The following MAU2 variants were observed in gnomAD, a reference collection of about 807,000 sequenced individuals.
MAU2 encodes the protein MAU2 chromatid cohesion factor homolog.
In MAU2, 9 loss-of-function variants were observed where a neutral mutation model predicts 89.1. The ratio of observed to expected loss-of-function variants is 0.10; its 90% confidence interval spans 0.06 to 0.18. MAU2 has a LOEUF of 0.18. Among genes scored for constraint, MAU2 ranks in the 10% least tolerant of loss-of-function variants. The probability of loss-of-function intolerance (pLI) is 1.00; values close to 1 mark genes in which losing one functional copy is unlikely to be tolerated. For synonymous variants in MAU2, 357 were observed against 343.4 expected (o/e 1.04, Z -0.44); for missense variants, 425 against 803.5 (o/e 0.53, Z 5.69).
chr19:19,321,137 T>C lies in MAU2; in HGVS notation c.276+2T>C. 6.3e-7 allele frequency: 1 copy of C among 1,586,150 alleles called. No homozygotes were observed. Among genetic ancestry groups the C allele is most frequent in the Non-Finnish European group, 8.6e-7 (1 of 1,166,316 alleles). On this transcript the variant is annotated splice_donor_variant, in intron 1 of 18. Transcript: ENST00000262815. LOFTEE classifies it high-confidence loss of function. ...GCGCGCAGCCACCTGGAGAAGGCGGTGAGCGCGGGCCGGGCCGCGAGGGAG... is the reference window on the plus strand; with the variant it reads ...GCGCGCAGCCACCTGGAGAAGGCGGCGAGCGCGGGCCGGGCCGCGAGGGAG...
intron 15 of MAU2, 25 bp from the exon 16 acceptor site, chr19:19,349,300 T>C (rs1477609908): frequency 6.2e-7 from 1 of 1,614,020 alleles, no homozygotes; most frequent in South Asian, 1.1e-5. Flanking sequence ...CCTGCAGTTA[T>C]CAGCGTCCAT....
In MAU2 at chr19:19,358,294, G is replaced by A. The variant is rs1051706407; in HGVS notation, c.*2512G>A. On this transcript the variant is annotated 3_prime_UTR_variant, in exon 19 of 19. Transcript: ENST00000262815. ...CTGCCCTTGTCCTGTGGGTTGAGGG[G>A]GTCTGACCAGGAGGCCACCTACAGC... 17 of 152,246 alleles carry A rather than the reference G, an allele frequency of 1.1e-4. No individual in the cohort carries two copies. Among genetic ancestry groups the A allele is most frequent in the African/African-American group, 4.1e-4 (17 of 41,440 alleles). The allele number at this position is 152,246 out of a possible 1,614,324, so 9.4% of individuals were successfully genotyped here.
intron 17 of MAU2, chr19:19,355,056 G>A (rs1237626055): frequency 5.2e-6 from 3 of 581,076 alleles, no homozygotes; most frequent in South Asian, 2.5e-5. Flanking sequence ...GGCTTTCACT[G>A]CCCAGCCAGC....
chr19:19,329,184 G>A lies in MAU2; in HGVS notation c.277-6534G>A, dbSNP rs1420928279. 7 of 452,764 alleles carry A rather than the reference G, an allele frequency of 1.5e-5. No homozygotes were observed. In the East Asian group the frequency reaches 4.9e-4, roughly 31 times the overall value. The allele number at this position is 452,764 out of a possible 1,614,324, so 28.0% of individuals were successfully genotyped here. A position where few individuals can be genotyped will look rare whatever the true frequency, so the allele number is the denominator to read the frequency against. On this transcript the variant is annotated intron_variant, in intron 1 of 18. Transcript: ENST00000262815. Reference sequence around the variant, plus strand: ...CGTAAGCAGTTCTTTCATTCTTCAGGATCACAACTGTGTCCTGCTAAATTC... The same window carrying A: ...CGTAAGCAGTTCTTTCATTCTTCAGAATCACAACTGTGTCCTGCTAAATTC...
chr19:19,321,272 C>T, intron 1 of MAU2, 137 bp downstream of exon 1: 1 of 1,059,802 alleles, frequency 9.4e-7, no homozygotes, highest in Non-Finnish European at 1.3e-6. Context: ...CGCAGGACCC[C>T]CACCCGCCTC....
intron 1 of MAU2, among the ~76,000 whole-genome samples, chr19:19,330,011 A>G (rs917362740): frequency 4.0e-5 from 6 of 151,086 alleles, no homozygotes; most frequent in African/African-American, 9.7e-5. Context: ...ATAAAGTCTC[A>G]CTCTGTCACC....
rs1208135822 is a variant in MAU2 at position 19,356,417 on chromosome 19, C to T, written c.*635C>T. The stretch of plus-strand genomic sequence containing the variant: ...TCCAAACATCTGCACCTTGACCGGA[C>T]TCGCCATCCCGCCGTGGGGGTGCAG... On this transcript the variant is annotated 3_prime_UTR_variant, in exon 19 of 19. Transcript: ENST00000262815. The T allele has an allele frequency of 3.7e-6, 1 of 266,812 alleles. No homozygotes were observed. Among genetic ancestry groups the T allele is most frequent in the Non-Finnish European group, 7.5e-6 (1 of 133,776 alleles). The allele number at this position is 266,812 out of a possible 1,614,324, so 16.5% of individuals were successfully genotyped here.
In MAU2 at chr19:19,342,595, C is replaced by T. The variant is rs756670179; in HGVS notation, c.796C>T (p.Leu266=). 3.7e-6 allele frequency: 6 copies of T among 1,612,740 alleles called. No individual in the cohort carries two copies. Among genetic ancestry groups the T allele is most frequent in the Middle Eastern group, 1.6e-4 (1 of 6,080 alleles). Residue 266 remains leucine, a synonymous_variant, in exon 8 of 19, where the codon CTG becomes TTG. Transcript: ENST00000262815. ...LQQCIQTIST[L]HDDEILPSNP... The stretch of plus-strand genomic sequence containing the variant: ...GCAGTGCATCCAGACCATCTCCACA[C>T]TGCACGATGATGAGATCCTGCCCAG...
intron 1 of MAU2, among the ~76,000 whole-genome samples, chr19:19,330,655 G>A (rs774847262): frequency 3.9e-5 from 6 of 152,094 alleles, no homozygotes; most frequent in Non-Finnish European, 5.9e-5. Context: ...CAGGAGAATC[G>A]CTTGAACCCG....
Position 19,342,767 on chromosome 19 carries a change from T to C in MAU2, c.883-9T>C. On this transcript the variant is annotated splice_polypyrimidine_tract_variant and intron_variant, in intron 8 of 18. Coordinates refer to ENST00000262815, the MANE Select transcript of MAU2 (RefSeq NM_015329.4). ...CCTGGTAACCCCTGCTGTCTGGTCT[T>C]GTCGCTAGGTGACTGTGATGCACTC... 6.2e-7 allele frequency: 1 copy of C among 1,613,982 alleles called. No individual in the cohort carries two copies. Among genetic ancestry groups the C allele is most frequent in the Non-Finnish European group, 8.5e-7 (1 of 1,179,956 alleles).
intron 13 of MAU2, 151 bp from the exon 14 acceptor site, chr19:19,348,738 G>A (rs1485146879): frequency 2.4e-6 from 2 of 825,834 alleles, no homozygotes; most frequent in Non-Finnish European, 4.1e-6. Flanking sequence ...CTTCTCACCA[G>A]AGGCTGCTCT....
intron 3 of MAU2, 123 bp downstream of exon 3, chr19:19,336,310 C>T (rs1370517182): frequency 2.7e-5 from 18 of 667,562 alleles, no homozygotes; most frequent in Admixed American, 7.4e-5. Context: ...TTTTTTTGGT[C>T]GGGGTGGGAG....
intron 1 of MAU2, among the ~76,000 whole-genome samples, chr19:19,333,020 T>C (rs1045623485): frequency 2.6e-5 from 4 of 151,556 alleles, no homozygotes; most frequent in Non-Finnish European, 2.9e-5. Context: ...GAGGTTGCGG[T>C]GAGCTGAGAT....
chr19:19,323,835 G>A (rs1298073899), intron 1 of MAU2, among the ~76,000 whole-genome samples: 2 of 152,218 alleles, frequency 1.3e-5, no homozygotes, highest in African/African-American at 4.8e-5. Flanking sequence ...TCAAAAGGGA[G>A]GCATTATGGG....
chr19:19,347,400 T>C (rs1568664687), intron 13 of MAU2, 34 bp downstream of exon 13: 2 of 1,532,016 alleles, frequency 1.3e-6, no homozygotes, highest in East Asian at 4.5e-5. Flanking sequence ...GTATCCTTTC[T>C]CTCTGTTCTC....
At chr19:19,350,594 C>T (rs1474581638) in intron 16 of MAU2, among the ~76,000 whole-genome samples, 1 of 137,378 alleles carries the variant, frequency 7.3e-6, no homozygotes, top group Non-Finnish European at 1.5e-5. Flanking sequence ...TAGGTGAGAG[C>T]AAGACTCCAT....
intron 1 of MAU2, among the ~76,000 whole-genome samples, chr19:19,331,796 G>A (rs2061557715): frequency 6.6e-6 from 1 of 152,156 alleles, no homozygotes; most frequent in Admixed American, 6.5e-5. Flanking sequence ...AAGTCATTTA[G>A]TAGGTGTCAG....
Position 19,321,051 on chromosome 19 carries a change from G to C in MAU2, c.192G>C (p.Glu64Asp), listed in dbSNP as rs1396656437. 1 of 1,612,886 alleles carries C rather than the reference G, an allele frequency of 6.2e-7. No homozygotes were observed. The highest frequency in any genetic ancestry group is 8.5e-7 in the Non-Finnish European group (1 of 1,179,586). Residue 64 changes from glutamate to aspartate, a missense_variant, in exon 1 of 19, where the codon GAG becomes GAC. Around this residue, in one of 11 missense-constraint regions of MAU2, gnomAD observed 57 missense variants for 57.5 expected, o/e 0.99. Transcript: ENST00000262815. ...VFPFKPPQRI[E>D]ARTHLQLGSV... ...CCTTCAAGCCGCCGCAGCGCATCGA[G>C]GCCCGTACACACCTGCAGCTGGGCT... is the stretch of plus-strand genomic sequence containing the variant.
At chr19:19,342,016 A>G (rs1194222460) in intron 7 of MAU2, among the ~76,000 whole-genome samples, 1 of 152,132 alleles carries the variant, frequency 6.6e-6, no homozygotes, top group Non-Finnish European at 1.5e-5. Context: ...TCGTCCATCC[A>G]TACCCATCGT....
Sources: allele counts gnomAD v4.1 joint callset (sites outside exome capture counted in the v4.1 genomes callset), GRCh38; gene constraint gnomAD v4.1.1; regional missense constraint gnomAD v4.1.1; transcripts MANE v1.5; gene names NCBI Gene and HGNC (gene_info 2026-07-23, HGNC 2026-07-21).